Variants in PCBP3 observed in about 807,000 individuals in gnomAD.
PCBP3 encodes the protein poly(rC)-binding protein 3.
In PCBP3, 25 loss-of-function variants were observed where a neutral mutation model predicts 52.7. The observed-to-expected ratio is 0.47, with a 90% CI of 0.35 to 0.66. PCBP3 has a LOEUF of 0.66. PCBP3 is among the 30% of genes least tolerant of loss of function. The pLI is 0.01. For missense variants in PCBP3, 391 were observed against 490.3 expected (o/e 0.80, Z 1.91); for synonymous variants, 162 against 183.0 (o/e 0.89, Z 0.93).
chr21:45,733,436 G>A (rs965492946), intron 2 of PCBP3, among the ~76,000 whole-genome samples: 6 of 151,060 alleles, frequency 4.0e-5, no homozygotes, highest in Admixed American at 2.6e-4. Context: ...ACAGGCGCCC[G>A]CCATCATGCC....
chr21:45,695,760 C>T lies in PCBP3; in HGVS notation c.-200+26808C>T, dbSNP rs970457885. Among the ~76,000 whole-genome samples, 4 of 152,042 alleles carry T rather than the reference C, an allele frequency of 2.6e-5. No homozygotes were observed. In the South Asian group the frequency reaches 8.3e-4, roughly 32 times the overall value. Reference sequence around the variant, plus strand: ...AAGGCCACTTGATTTTTAGCAAAGGCACCACCTACAATTAAGCACGAAAAG... The same window carrying T: ...AAGGCCACTTGATTTTTAGCAAAGGTACCACCTACAATTAAGCACGAAAAG... On this transcript the variant is annotated intron_variant, in intron 2 of 17. Coordinates refer to ENST00000681687, the MANE Select transcript of PCBP3 (RefSeq NM_001384156.1).
At chr21:45,729,441 T>G (rs2085295754) in intron 2 of PCBP3, among the ~76,000 whole-genome samples, 1 of 152,190 alleles carries the variant, frequency 6.6e-6, no homozygotes, top group African/African-American at 2.4e-5. Context: ...CCTATGGTGA[T>G]TCTATGTTTA....
At chr21:45,857,206 C>T (rs962590811) in intron 5 of PCBP3, among the ~76,000 whole-genome samples, 1 of 152,168 alleles carries the variant, frequency 6.6e-6, no homozygotes, top group Non-Finnish European at 1.5e-5. Context: ...TTTGTAGGAC[C>T]ATCTCAAGAT....
intron 5 of PCBP3, among the ~76,000 whole-genome samples, chr21:45,852,698 C>T (rs71324451): frequency 1.3e-5 from 2 of 151,700 alleles, no homozygotes; most frequent in African/African-American, 4.8e-5. Context: ...CACAGCCCTG[C>T]AGCCACACTG....
intron 1 of PCBP3, among the ~76,000 whole-genome samples, chr21:45,651,134 A>G (rs540709278): frequency 2.0e-4 from 31 of 152,340 alleles, no homozygotes; most frequent in African/African-American, 6.7e-4. Context: ...CGTGACTCAC[A>G]GAAACTGTGA....
At chr21:45,918,971 G>A (rs945801132) in intron 13 of PCBP3, 11 of 153,260 alleles carry the variant, frequency 7.2e-5, no homozygotes, top group East Asian at 3.8e-4. Flanking sequence ...GGGAACCCTG[G>A]GCGGCTCTGG....
Position 45,649,635 on chromosome 21 carries a change from C to T in PCBP3, c.-279+5767C>T, listed in dbSNP as rs969742522. On this transcript the variant is annotated intron_variant, in intron 1 of 17. Transcript: ENST00000681687. ...CATGTACCTAATGATAATTTAATTTCTTTCTCCCTAGTTCTTAAATCTTTT... is the reference window on the plus strand; with the variant it reads ...CATGTACCTAATGATAATTTAATTTTTTTCTCCCTAGTTCTTAAATCTTTT... Among the ~76,000 whole-genome samples, 6 of 152,248 alleles carry T rather than the reference C, an allele frequency of 3.9e-5. No homozygotes were observed. In the East Asian group the frequency reaches 9.6e-4, roughly 24 times the overall value.
At chr21:45,896,072 TG>T in intron 5 of PCBP3, 135 bp from the exon 6 acceptor site, 1 of 757,518 alleles carries the variant, frequency 1.3e-6, no homozygotes. Flanking sequence ...AGGCGAGGCC[TG>T]GTCAGCACAT....
Position 45,849,993 on chromosome 21 carries a change from C to G in PCBP3, c.-93C>G. 5 of 1,229,378 alleles carry G rather than the reference C, an allele frequency of 4.1e-6. No homozygotes were observed. Among genetic ancestry groups the G allele is most frequent in the Non-Finnish European group, 5.9e-6 (5 of 852,988 alleles). The allele number at this position is 1,229,378 out of a possible 1,614,324, so 76.2% of individuals were successfully genotyped here. On this transcript the variant is annotated 5_prime_UTR_variant, in exon 5 of 18. Coordinates refer to ENST00000681687, the MANE Select transcript of PCBP3 (RefSeq NM_001384156.1). ...GGCTCCACGACAAAAGTCAACCCTT[C>G]TGTAAATCACCTGCTGTGGTTATGA... is the stretch of plus-strand genomic sequence containing the variant.
chr21:45,935,606 C>A, intron 16 of PCBP3: 1 of 498,456 alleles, frequency 2.0e-6, no homozygotes, highest in South Asian at 1.8e-5. Context: ...TGTGGAGGCA[C>A]TGCCCTGGTG....
chr21:45,917,294 G>A lies in PCBP3; in HGVS notation c.676-294G>A, dbSNP rs1181766941. 1 of 361,248 alleles carries A rather than the reference G, an allele frequency of 2.8e-6. No homozygotes were observed. Among genetic ancestry groups the A allele is most frequent in the South Asian group, 5.3e-5 (1 of 18,800 alleles). The allele number at this position is 361,248 out of a possible 1,614,324, so 22.4% of individuals were successfully genotyped here. A position where few individuals can be genotyped will look rare whatever the true frequency, so the allele number is the denominator to read the frequency against. ...CCTCTTACTGGGCAGATCACTCTTC[G>A]ATTCTTTTGCTTTAAGAAACTTGGA... On this transcript the variant is annotated intron_variant, in intron 12 of 17. Coordinates refer to ENST00000681687, the MANE Select transcript of PCBP3 (RefSeq NM_001384156.1). The surrounding 1 kb of genome is among the most constrained non-coding windows in gnomAD (Gnocchi z 5.3).
chr21:45,725,621 C>G (rs113970947), intron 2 of PCBP3, among the ~76,000 whole-genome samples: 4,509 of 152,234 alleles, frequency 0.03, 241 homozygotes, highest in African/African-American at 0.1. Flanking sequence ...AGGGTTCTTA[C>G]CACCATGGAG....
chr21:45,751,063 C>T (rs149217966), intron 3 of PCBP3: 10 of 152,304 alleles, frequency 6.6e-5, no homozygotes, highest in South Asian at 2.1e-4. Context: ...CTCTTCCCAG[C>T]TCTGTGTTTA....
intron 7 of PCBP3, among the ~76,000 whole-genome samples, chr21:45,900,034 G>A (rs1041163122): frequency 2.0e-5 from 3 of 152,214 alleles, no homozygotes; most frequent in African/African-American, 7.2e-5. Context: ...TGGCCCGGGG[G>A]AAGTAAGGCC....
intron 4 of PCBP3, among the ~76,000 whole-genome samples, chr21:45,780,606 G>A (rs2090566106): frequency 6.6e-6 from 1 of 152,220 alleles, no homozygotes; most frequent in African/African-American, 2.4e-5. Context: ...GGCCTGATCA[G>A]GACAGGAGAG....
At chr21:45,784,408 C>CT in intron 4 of PCBP3, among the ~76,000 whole-genome samples, 1 of 130,628 alleles carries the variant, frequency 7.7e-6, no homozygotes, top group African/African-American at 2.7e-5. Context: ...CTACCTCTAC[C>CT]GCTACCGCTA....
At chr21:45,725,904 CAGG>C (rs1334264402) in intron 2 of PCBP3, among the ~76,000 whole-genome samples, 1 of 152,042 alleles carries the variant, frequency 6.6e-6, no homozygotes, top group African/African-American at 2.4e-5. Context: ...GAAGCCAGTG[CAGG>C]AGATGAGGTC....
At chr21:45,907,862 G>A (rs963474486) in intron 9 of PCBP3, among the ~76,000 whole-genome samples, 8 of 151,536 alleles carry the variant, frequency 5.3e-5, no homozygotes, top group African/African-American at 1.7e-4. Context: ...CGGGGCGGGG[G>A]GAGTGCTGGG....
chr21:45,861,842 C>T lies in PCBP3; in HGVS notation c.10+11747C>T, dbSNP rs73911005. Among the ~76,000 whole-genome samples the T allele has an allele frequency of 9.6e-3, 1,467 of 152,220 alleles. 27 individuals are homozygous for T. The highest frequency in any genetic ancestry group is 0.033 in the African/African-American group (1,351 of 41,540). On this transcript the variant is annotated intron_variant, in intron 5 of 17. Transcript: ENST00000681687. ...CCACTCAAAGGTCATGGTTTTAGTC[C>T]GTTTCTGCTGCTAGAACAAGATACC... is the stretch of plus-strand genomic sequence containing the variant.
Sources: allele counts gnomAD v4.1 joint callset (sites outside exome capture counted in the v4.1 genomes callset), GRCh38; gene constraint gnomAD v4.1.1; non-coding constraint Gnocchi (gnomAD v3.1); transcripts MANE v1.5; gene names NCBI Gene and HGNC (gene_info 2026-07-23, HGNC 2026-07-21).